The following ITGAV variants were observed in gnomAD, a reference collection of about 807,000 sequenced individuals.
ITGAV encodes the protein integrin subunit alpha V.
ITGAV carries 76 observed loss-of-function variants against 143.8 expected under a neutral mutation model. The observed-to-expected ratio is 0.53, with a 90% confidence interval of 0.44 to 0.64. The LOEUF is 0.64. ITGAV is among the 30% of genes least tolerant of loss of function. The pLI, the probability that ITGAV is intolerant of heterozygous loss-of-function variation, is 0.00. For missense variants in ITGAV, 1,193 were observed against 1,274.7 expected, an observed-to-expected ratio of 0.94 and a Z score of 0.98; for synonymous variants, 453 against 446.7, an observed-to-expected ratio of 1.01 and a Z score of -0.18.
intron 2 of ITGAV, among the ~76,000 whole-genome samples, chr2:186,610,466 C>G (rs558095434): frequency 7.2e-4 from 109 of 152,244 alleles, no homozygotes; most frequent in Middle Eastern, 3.4e-3. Context: ...AAAGCCACAA[C>G]TAAGATGTTT....
At chr2:186,674,180 T>C (rs1457415643) in intron 26 of ITGAV, among the ~76,000 whole-genome samples, 2 of 152,170 alleles carry the variant, frequency 1.3e-5, no homozygotes, top group Non-Finnish European at 2.9e-5. Context: ...CTCACTACGT[T>C]GCCTAGGCTG....
At chr2:186,637,041 T>A in intron 7 of ITGAV, 24 bp from the exon 8 acceptor site, 1 of 1,607,832 alleles carries the variant, frequency 6.2e-7, no homozygotes, top group Non-Finnish European at 8.5e-7. Context: ...TCCTGATGGT[T>A]CTCCCCTTTG....
At position 186,675,518 on chromosome 2, in the gene ITGAV, C is replaced by G. The variant is rs911566288; in HGVS notation, c.2707-86C>G. On this transcript the variant is annotated intron_variant, in intron 26 of 29. Coordinates refer to ENST00000261023, the MANE Select transcript of ITGAV (RefSeq NM_002210.5). ...CTGGATAATCTCTTTGGCCATCACA[C>G]AAAAAGAAAAAAAATGGCAAATTTT... The G allele has an allele frequency of 3.9e-5, 37 of 941,362 alleles. No homozygotes were observed. In the African/African-American group the frequency reaches 5.6e-4, roughly 14 times the overall value. 58.3% of individuals were successfully genotyped at this position (941,362 alleles called of 1,614,324 possible).
intron 24 of ITGAV, 111 bp from the exon 25 acceptor site, chr2:186,668,651 T>G (rs544307836): frequency 1.1e-6 from 1 of 876,012 alleles, no homozygotes; most frequent in African/African-American, 1.7e-5. Flanking sequence ...CTGTGGAAAT[T>G]GCTGTTATTT....
chr2:186,666,475 G>T (rs947765815), intron 21 of ITGAV, among the ~76,000 whole-genome samples: 3 of 152,150 alleles, frequency 2.0e-5, no homozygotes, highest in African/African-American at 4.8e-5. Flanking sequence ...TTATAAGGAG[G>T]TATAATTATG....
Position 186,641,406 on chromosome 2 carries a change from G to T in ITGAV, c.977G>T (p.Gly326Val), listed in dbSNP as rs761596881. 1 of 1,614,020 alleles carries T rather than the reference G, an allele frequency of 6.2e-7. No individual in the cohort carries two copies. Among genetic ancestry groups the T allele is most frequent in the Admixed American group, 1.7e-5 (1 of 60,014 alleles). Reference protein sequence around the residue: ...NGDDYADVFIGAPLFMDRGSD... With the variant: ...NGDDYADVFIVAPLFMDRGSD... ...TCTAGTTATGCAGATGTGTTTATTG[G>T]AGCACCTCTCTTCATGGATCGTGGC... is the stretch of plus-strand genomic sequence containing the variant. The change falls in exon 12 of 30, where the codon GGA becomes GTA. Residue 326 changes from glycine (G) to valine (V), a missense_variant. By Grantham distance (109) the Gly-to-Val change is moderately radical. Transcript: ENST00000261023.
At chr2:186,663,405 A>G (rs1173869630) in intron 18 of ITGAV, among the ~76,000 whole-genome samples, 1 of 152,108 alleles carries the variant, frequency 6.6e-6, no homozygotes, top group Admixed American at 6.5e-5. Flanking sequence ...ACATCTCACA[A>G]CTTAACTAGC....
chr2:186,671,677 T>G (rs1689065403), intron 26 of ITGAV, among the ~76,000 whole-genome samples: 4 of 152,118 alleles, frequency 2.6e-5, no homozygotes, highest in Admixed American at 1.3e-4. Flanking sequence ...AATTTAGTGT[T>G]TTTTAGTATA....
chr2:186,652,772 T>C (rs994871612), intron 15 of ITGAV, among the ~76,000 whole-genome samples: 2 of 152,102 alleles, frequency 1.3e-5, no homozygotes, highest in Admixed American at 6.5e-5. Flanking sequence ...TATTTTGCTC[T>C]AATATATTAA....
At chr2:186,648,865 G>A (rs1688337125) in intron 13 of ITGAV, among the ~76,000 whole-genome samples, 2 of 150,612 alleles carry the variant, frequency 1.3e-5, no homozygotes, top group African/African-American at 4.9e-5. Context: ...TAGTTATGAG[G>A]TTGATTCTTA....
At chr2:186,661,956 G>T (rs754525700) in intron 18 of ITGAV, among the ~76,000 whole-genome samples, 1 of 152,014 alleles carries the variant, frequency 6.6e-6, no homozygotes, top group African/African-American at 2.4e-5. Flanking sequence ...TAGAGACTTG[G>T]TTTTCTGAGC....
chr2:186,630,307 A>G (rs1051804089), intron 4 of ITGAV, among the ~76,000 whole-genome samples: 1 of 151,932 alleles, frequency 6.6e-6, no homozygotes, highest in African/African-American at 2.4e-5. Context: ...GCAGATCACA[A>G]CTTGTTAGTG....
rs1688278392 is a variant in ITGAV, at chr2:186,646,878, G to A, written c.1351+1G>A. ...GATATAGACAAAAATGGATATCCAG[G>A]TGCTTTCTTATCAACACATAGAGCC... On this transcript the variant is annotated splice_donor_variant, in intron 13 of 29. Transcript: ENST00000261023. LOFTEE classifies it high-confidence loss of function. The A allele has an allele frequency of 6.4e-7, 1 of 1,571,628 alleles. No individual in the cohort carries two copies. The highest frequency in any genetic ancestry group is 1.8e-5 in the Admixed American group (1 of 56,164).
intron 2 of ITGAV, among the ~76,000 whole-genome samples, chr2:186,619,402 G>T (rs1687460919): frequency 1.3e-5 from 2 of 152,150 alleles, no homozygotes; most frequent in Admixed American, 6.5e-5. Flanking sequence ...GCTGGGAAAG[G>T]TAGGGAGAAT....
chr2:186,649,908 G>A (rs950935779), intron 14 of ITGAV, 23 bp downstream of exon 14: 11 of 1,482,352 alleles, frequency 7.4e-6, no homozygotes, highest in Middle Eastern at 3.5e-4. Context: ...TGTATCCTGC[G>A]GTATAGGAAT....
At chr2:186,658,712 G>T (rs1406202110) in intron 17 of ITGAV, among the ~76,000 whole-genome samples, 3 of 152,020 alleles carry the variant, frequency 2.0e-5, no homozygotes, top group African/African-American at 7.2e-5. Context: ...GGAAGAGAAA[G>T]AAGTATTTGG....
chr2:186,640,289 A>G (rs1193503770), intron 10 of ITGAV, among the ~76,000 whole-genome samples: 1 of 152,226 alleles, frequency 6.6e-6, no homozygotes, highest in African/African-American at 2.4e-5. Flanking sequence ...TTATAAGCTC[A>G]TAATAAACCC....
In ITGAV at chr2:186,678,884, A is replaced by G; in HGVS notation, c.*1592A>G. ...ATTGAAATTTATCTTGCCATATCTCATAATTTCATGCACAAGTTGACTGAG... is the reference window on the plus strand; with the variant it reads ...ATTGAAATTTATCTTGCCATATCTCGTAATTTCATGCACAAGTTGACTGAG... On this transcript the variant is annotated 3_prime_UTR_variant, in exon 30 of 30. Transcript: ENST00000261023. 1 of 382,746 alleles carries G rather than the reference A, an allele frequency of 2.6e-6. No homozygotes were observed. 23.7% of individuals were successfully genotyped at this position (382,746 alleles called of 1,614,324 possible). A position where few individuals can be genotyped will look rare whatever the true frequency, so the allele number is the denominator to read the frequency against.
At chr2:186,637,215 CT>C (rs1687969131) in intron 8 of ITGAV, 106 bp downstream of exon 8, 1 of 889,676 alleles carries the variant, frequency 1.1e-6, no homozygotes, top group South Asian at 1.4e-5. Context: ...GGTGCTGTGG[CT>C]GCAGCCTGTA....
Sources: gnomAD v4.1 joint callset for allele counts (sites outside exome capture counted in the v4.1 genomes callset) on GRCh38, gnomAD v4.1.1 for gene constraint, MANE v1.5 for transcripts, NCBI Gene and HGNC (gene_info 2026-07-23, HGNC 2026-07-21) for gene names.